GALNT17: variants seen among roughly 807,000 people sequenced by gnomAD.
GALNT17 encodes polypeptide N-acetylgalactosaminyltransferase 17.
A neutral mutation model predicts 63.7 loss-of-function variants in GALNT17; 29 were observed. The observed-to-expected ratio is 0.46, with a 90% CI of 0.34 to 0.62. GALNT17 has a LOEUF of 0.62. Among genes scored for constraint, GALNT17 ranks in the 20% least tolerant of loss-of-function variants. GALNT17 has a pLI of 0.01. For missense variants in GALNT17, 603 were observed against 799.6 expected (o/e 0.75, Z 2.97); for synonymous variants, 305 against 318.3 (o/e 0.96, Z 0.45).
intron 1 of GALNT17, among the ~76,000 whole-genome samples, chr7:71,251,949 T>C (rs1304043847): frequency 6.6e-6 from 1 of 152,070 alleles, no homozygotes; most frequent in Admixed American, 6.5e-5. Flanking sequence ...ATCTGTACAG[T>C]CACTACCTGG....
At chr7:71,201,513 A>T (rs1293816037) in intron 1 of GALNT17, among the ~76,000 whole-genome samples, 1 of 148,286 alleles carries the variant, frequency 6.7e-6, no homozygotes, top group South Asian at 2.1e-4. Flanking sequence ...TATTTAGCTT[A>T]TTTTTTGGCC....
chr7:71,654,990 A>G lies in GALNT17; in HGVS notation c.1081-10421A>G, dbSNP rs373196943. 6.6e-5 allele frequency among the ~76,000 whole-genome samples: 10 copies of G among 152,002 alleles called. No individual in the cohort carries two copies. In the East Asian group the frequency reaches 7.7e-4, roughly 12 times the overall value. ...TTTTTAGTAGAGAAGGGGTTTCACTATGTTGGCCAGGCTGGTCTCAAACTT... is the reference window on the plus strand; with the variant it reads ...TTTTTAGTAGAGAAGGGGTTTCACTGTGTTGGCCAGGCTGGTCTCAAACTT... On this transcript the variant is annotated intron_variant, in intron 6 of 10. Coordinates refer to ENST00000333538, the MANE Select transcript of GALNT17 (RefSeq NM_022479.3).
At chr7:71,670,964 T>C (rs1791061703) in intron 8 of GALNT17, among the ~76,000 whole-genome samples, 1 of 152,068 alleles carries the variant, frequency 6.6e-6, no homozygotes, top group Non-Finnish European at 1.5e-5. Context: ...GTATTTTTTT[T>C]ACTAAAACCA....
At chr7:71,369,671 G>A (rs1357741027) in intron 2 of GALNT17, among the ~76,000 whole-genome samples, 2 of 151,910 alleles carry the variant, frequency 1.3e-5, no homozygotes, top group Non-Finnish European at 2.9e-5. Flanking sequence ...CAGTTAGCCC[G>A]GTGTCATGGC....
At chr7:71,334,685 G>C (rs911732076) in intron 1 of GALNT17, among the ~76,000 whole-genome samples, 3 of 152,216 alleles carry the variant, frequency 2.0e-5, no homozygotes, top group Non-Finnish European at 4.4e-5. Flanking sequence ...AGTGAGGCTT[G>C]TTACAGAGGC....
At chr7:71,651,371 C>T (rs1459587436) in intron 6 of GALNT17, among the ~76,000 whole-genome samples, 4 of 150,582 alleles carry the variant, frequency 2.7e-5, no homozygotes, top group East Asian at 3.9e-4. Context: ...GGTGCGATCT[C>T]GGCTCACTGC....
At chr7:71,144,872 G>C (rs1486779988) in intron 1 of GALNT17, among the ~76,000 whole-genome samples, 1 of 152,156 alleles carries the variant, frequency 6.6e-6, no homozygotes, top group Non-Finnish European at 1.5e-5. Context: ...GGGACTACAG[G>C]TGCATGCCAC....
chr7:71,566,361 A>T lies in GALNT17; in HGVS notation c.963-4924A>T, dbSNP rs1196852697. Among the ~76,000 whole-genome samples the T allele has an allele frequency of 6.6e-5, 10 of 152,208 alleles. No homozygotes were observed. In the East Asian group the frequency reaches 1.9e-3, roughly 29 times the overall value. ...GTTTGCCTCTGAGAGGTTAGAAAGC[A>T]GAGTCTTAGAGCAGGGTCTTCACTA... On this transcript the variant is annotated intron_variant, in intron 5 of 10. Transcript: ENST00000333538.
At chr7:71,493,667 C>T (rs913808993) in intron 5 of GALNT17, among the ~76,000 whole-genome samples, 4 of 152,132 alleles carry the variant, frequency 2.6e-5, no homozygotes, top group African/African-American at 4.8e-5. Flanking sequence ...GGGATGGTCC[C>T]TCCCACAACA....
chr7:71,421,181 G>C, intron 5 of GALNT17, 76 bp downstream of exon 5: 2 of 1,524,522 alleles, frequency 1.3e-6, no homozygotes, highest in Non-Finnish European at 1.8e-6. Flanking sequence ...AGAGAGGCCA[G>C]GAAAGCCTGC....
intron 2 of GALNT17, among the ~76,000 whole-genome samples, chr7:71,364,044 G>A (rs1214054262): frequency 2.0e-5 from 3 of 152,086 alleles, no homozygotes; most frequent in African/African-American, 4.8e-5. Flanking sequence ...AGTTATTGGG[G>A]TACAGGTGGT....
chr7:71,243,898 G>A (rs925336639), intron 1 of GALNT17, among the ~76,000 whole-genome samples: 2 of 152,198 alleles, frequency 1.3e-5, no homozygotes, highest in African/African-American at 4.8e-5. Flanking sequence ...GTCGTTGGCA[G>A]GATCAAGAGT....
intron 1 of GALNT17, among the ~76,000 whole-genome samples, chr7:71,154,141 G>A (rs1159517354): frequency 6.6e-6 from 1 of 152,066 alleles, no homozygotes; most frequent in Non-Finnish European, 1.5e-5. Context: ...GCTCTTCAGG[G>A]ACATGGATCT....
chr7:71,182,774 G>C (rs1788757288), intron 1 of GALNT17, among the ~76,000 whole-genome samples: 1 of 151,998 alleles, frequency 6.6e-6, no homozygotes, highest in Non-Finnish European at 1.5e-5. Context: ...AGGACTTCTG[G>C]GATTACGTTA....
At chr7:71,191,507 ACT>A (rs1788951783) in intron 1 of GALNT17, among the ~76,000 whole-genome samples, 2 of 152,220 alleles carry the variant, frequency 1.3e-5, no homozygotes, top group Non-Finnish European at 2.9e-5. Context: ...TATGTAAATA[ACT>A]GCATGTGGCT....
At chr7:71,233,467 C>T (rs1014031567) in intron 1 of GALNT17, among the ~76,000 whole-genome samples, 3 of 152,144 alleles carry the variant, frequency 2.0e-5, no homozygotes, top group Admixed American at 2.0e-4. Context: ...CTTAGAAGGC[C>T]AATGAATTAA....
chr7:71,294,530 T>C (rs1425945630), intron 1 of GALNT17, among the ~76,000 whole-genome samples: 3 of 147,336 alleles, frequency 2.0e-5, no homozygotes, highest in African/African-American at 7.5e-5. Flanking sequence ...TTCTCATGCC[T>C]CAGCTTCCCA....
chr7:71,284,999 T>C lies in GALNT17; in HGVS notation c.239-50551T>C, dbSNP rs192887912. Among the ~76,000 whole-genome samples the C allele has an allele frequency of 2.2e-3, 338 of 152,214 alleles. 3 individuals are homozygous for C. The highest frequency in any genetic ancestry group is 9.7e-4 in the East Asian group (5 of 5,176). On this transcript the variant is annotated intron_variant, in intron 1 of 10. Transcript: ENST00000333538. ...GGCCTGAAGCTTACACAATTTTGGCTCCTTCTTTAAGAAAAATAATGCAAA... is the reference window on the plus strand; with the variant it reads ...GGCCTGAAGCTTACACAATTTTGGCCCCTTCTTTAAGAAAAATAATGCAAA...
Position 71,497,712 on chromosome 7 carries a change from G to A in GALNT17, c.963-73573G>A, listed in dbSNP as rs143912796. On this transcript the variant is annotated intron_variant, in intron 5 of 10. Coordinates refer to ENST00000333538, the MANE Select transcript of GALNT17 (RefSeq NM_022479.3). ...GCTATTTTCCTGGAGCACATGCTGC[G>A]TGCAGCCTGCCAAGGTTCATGACGT... Among the ~76,000 whole-genome samples the A allele has an allele frequency of 8.2e-3, 1,251 of 152,304 alleles. 9 individuals carry two copies. The highest frequency in any genetic ancestry group is 0.014 in the Non-Finnish European group (927 of 68,036).
Sources: allele counts gnomAD v4.1 joint callset (sites outside exome capture counted in the v4.1 genomes callset), GRCh38; gene constraint gnomAD v4.1.1; transcripts MANE v1.5; gene names NCBI Gene and HGNC (gene_info 2026-07-23, HGNC 2026-07-21).